Variants in KIF17 observed in about 807,000 individuals in gnomAD.
KIF17 encodes kinesin-like protein KIF17.
KIF17 carries 80 observed loss-of-function variants against 96.8 expected under a neutral mutation model. That is an observed-to-expected ratio of 0.83 (90% CI 0.69 to 1.00). The LOEUF is 1.00. Among genes scored for constraint, KIF17 ranks in the 50% least tolerant of loss-of-function variants. KIF17 has a pLI of 0.00. For synonymous variants in KIF17, 567 were observed against 587.5 expected, an observed-to-expected ratio of 0.97 and a Z score of 0.51; for missense variants, 1,280 against 1,372.9, an observed-to-expected ratio of 0.93 and a Z score of 1.07.
At chr1:20,684,232 C>T (rs1017006564) in intron 10 of KIF17, among the ~76,000 whole-genome samples, 1 of 152,218 alleles carries the variant, frequency 6.6e-6, no homozygotes, top group Non-Finnish European at 1.5e-5. Context: ...CAGCAGCTTG[C>T]TCATCCTTGT....
chr1:20,695,023 C>A (rs990658907), intron 6 of KIF17, among the ~76,000 whole-genome samples: 1 of 151,926 alleles, frequency 6.6e-6, no homozygotes, highest in Non-Finnish European at 1.5e-5. Flanking sequence ...CACATGCAGG[C>A]ACACACATGC....
chr1:20,669,917 C>T (rs1434147837), intron 13 of KIF17, among the ~76,000 whole-genome samples: 3 of 136,166 alleles, frequency 2.2e-5, no homozygotes, highest in African/African-American at 8.4e-5. Flanking sequence ...ACCACCACCA[C>T]CCATGCTTTA....
chr1:20,664,020 T>G lies in KIF17; in HGVS notation c.*564A>C, dbSNP rs545487856. 21 of 166,662 alleles carry G rather than the reference T, an allele frequency of 1.3e-4. No individual in the cohort carries two copies. Among genetic ancestry groups the G allele is most frequent in the Admixed American group, 6.1e-4 (11 of 18,158 alleles). 10.3% of individuals were successfully genotyped at this position (166,662 alleles called of 1,614,324 possible). ...AGGGTCAGAGAAGGGGAGCTTATCT[T>G]AAAAGCAGTTTATTGGGCAGCTTAA... On this transcript the variant is annotated 3_prime_UTR_variant, in exon 15 of 15. Coordinates refer to ENST00000400463, the MANE Select transcript of KIF17 (RefSeq NM_001122819.3).
intron 11 of KIF17, among the ~76,000 whole-genome samples, chr1:20,679,001 CAAAAAAAAAA>C (rs34906395): frequency 2.3e-5 from 2 of 86,656 alleles, no homozygotes; most frequent in Non-Finnish European, 4.5e-5. Context: ...TCTTCCTTGG[CAAAAAAAAAA>C]AAAAAAAAAG....
chr1:20,684,470 C>T (rs2053895468), intron 10 of KIF17, among the ~76,000 whole-genome samples: 1 of 152,232 alleles, frequency 6.6e-6, no homozygotes, highest in Non-Finnish European at 1.5e-5. Flanking sequence ...CTGGGGATGG[C>T]TTGTCCTGTG....
At chr1:20,693,198 T>C (rs2054072857) in intron 6 of KIF17, 1 of 151,688 alleles carries the variant, frequency 6.6e-6, no homozygotes, top group African/African-American at 2.4e-5. Context: ...CTATTGCCTC[T>C]CCCTCAGGGT....
intron 5 of KIF17, among the ~76,000 whole-genome samples, chr1:20,702,812 C>A (rs1440603134): frequency 6.6e-6 from 1 of 152,216 alleles, no homozygotes; most frequent in Non-Finnish European, 1.5e-5. Flanking sequence ...CTCCTCTCTG[C>A]CCTGTACAGC....
chr1:20,715,975 G>A (rs989700665), intron 1 of KIF17, among the ~76,000 whole-genome samples: 1 of 152,172 alleles, frequency 6.6e-6, no homozygotes. Flanking sequence ...GGCCAGGCGG[G>A]GTGGCTCATG....
intron 3 of KIF17, among the ~76,000 whole-genome samples, chr1:20,711,136 C>A (rs1238853023): frequency 6.6e-6 from 1 of 152,104 alleles, no homozygotes; most frequent in Admixed American, 6.5e-5. Context: ...GATGATAACT[C>A]CTATTTCTAC....
chr1:20,679,166 G>A (rs1324383160), intron 11 of KIF17, among the ~76,000 whole-genome samples: 2 of 151,962 alleles, frequency 1.3e-5, no homozygotes, highest in Non-Finnish European at 2.9e-5. Flanking sequence ...TTAGCTGGGT[G>A]CAGTGGCATG....
At chr1:20,707,434 C>T (rs2054360772) in intron 4 of KIF17, among the ~76,000 whole-genome samples, 4 of 150,758 alleles carry the variant, frequency 2.7e-5, no homozygotes, top group Non-Finnish European at 1.5e-5. Flanking sequence ...ACCTACATGG[C>T]GTAAGATTTC....
Position 20,690,352 on chromosome 1 carries a change from G to GGGA in KIF17, c.1234-18_1234-17insTCC. On this transcript the variant is annotated splice_polypyrimidine_tract_variant and intron_variant, in intron 6 of 14. Transcript: ENST00000400463. ...TTCATACTCCTGGGGGGGTGGGAGG[G>GGGA]ACCAGAGGGCAGGCAGCATTTTATC... The GGGA allele has an allele frequency of 9.1e-5, 41 of 451,150 alleles. No individual in the cohort carries two copies. Among genetic ancestry groups the GGGA allele is most frequent in the Non-Finnish European group, 1.4e-4 (34 of 235,132 alleles). The allele number at this position is 451,150 out of a possible 1,614,324, so 27.9% of individuals were successfully genotyped here. A position where few individuals can be genotyped will look rare whatever the true frequency, so the allele number is the denominator to read the frequency against.
Position 20,672,237 on chromosome 1 carries a change from C to A in KIF17, c.2464-41G>T. The A allele has an allele frequency of 6.2e-7, 1 of 1,610,236 alleles. No individual in the cohort carries two copies. The highest frequency in any genetic ancestry group is 1.7e-4 in the Middle Eastern group (1 of 5,750). ...GACAAGCAGTGAGCAGGGAAAGATA[C>A]CTCCCCTTCCATCTAACCACCCTGT... is the stretch of plus-strand genomic sequence containing the variant. On this transcript the variant is annotated intron_variant, in intron 11 of 14. Transcript: ENST00000400463. This position sits in a 1 kb window ranked among gnomAD's most constrained non-coding sequence, Gnocchi z 4.3.
At chr1:20,696,136 A>T (rs2054133918) in intron 6 of KIF17, among the ~76,000 whole-genome samples, 2 of 152,148 alleles carry the variant, frequency 1.3e-5, no homozygotes, top group Admixed American at 1.3e-4. Flanking sequence ...AGAAGGCTGG[A>T]CGGACCCTAG....
In KIF17 at chr1:20,713,635, C is replaced by T. The variant is rs1241128861; in HGVS notation, c.379-80G>A. ...GCCAGGTCTGACCCTGGGGCCTGGG[C>T]CCTCTGCCACCAGGACATCATGGGA... On this transcript the variant is annotated intron_variant, in intron 2 of 14. Coordinates refer to ENST00000400463, the MANE Select transcript of KIF17 (RefSeq NM_001122819.3). The T allele has an allele frequency of 3.0e-6, 3 of 1,004,600 alleles. No individual in the cohort carries two copies. In the African/African-American group the frequency reaches 4.8e-5, roughly 16 times the overall value. 62.2% of individuals were successfully genotyped at this position (1,004,600 alleles called of 1,614,324 possible).
chr1:20,666,092 G>A, intron 14 of KIF17, 122 bp downstream of exon 14: 1 of 810,080 alleles, frequency 1.2e-6, no homozygotes, highest in East Asian at 2.4e-5. Flanking sequence ...TTGTAGCTAA[G>A]GAAACTGAGG....
chr1:20,691,005 A>T (rs77805467), intron 6 of KIF17, among the ~76,000 whole-genome samples: 10,922 of 151,628 alleles, frequency 0.072, 632 homozygotes, highest in East Asian at 0.34. Context: ...CTAATTTTTT[A>T]AAAAAATTTT....
intron 5 of KIF17, among the ~76,000 whole-genome samples, chr1:20,703,455 G>C (rs1557601026): frequency 6.6e-6 from 1 of 151,164 alleles, no homozygotes; most frequent in African/African-American, 2.4e-5. Flanking sequence ...TGGAGGGAGA[G>C]ATGGGTAGAT....
At chr1:20,715,028 C>T (rs1325148019) in intron 2 of KIF17, among the ~76,000 whole-genome samples, 2 of 152,146 alleles carry the variant, frequency 1.3e-5, no homozygotes, top group African/African-American at 4.8e-5. Flanking sequence ...GCCTGGATGC[C>T]GGGATGAATT....
Sources: gnomAD v4.1 joint callset for allele counts (sites outside exome capture counted in the v4.1 genomes callset) on GRCh38, gnomAD v4.1.1 for gene constraint, Gnocchi (gnomAD v3.1) non-coding constraint, MANE v1.5 for transcripts, NCBI Gene and HGNC (gene_info 2026-07-23, HGNC 2026-07-21) for gene names.